Variants in MAML2 observed in about 807,000 individuals in gnomAD.
The protein encoded by MAML2 is mastermind like transcriptional coactivator 2.
In MAML2, 22 loss-of-function variants were observed where a neutral mutation model predicts 96.1. The observed-to-expected ratio is 0.23, with a 90% confidence interval of 0.16 to 0.33. The LOEUF is 0.33. Ranked by LOEUF, MAML2 falls within the 10% of genes least tolerant of loss-of-function variation. MAML2 has a pLI of 1.00. For synonymous variants in MAML2, 561 were observed against 521.3 expected, an observed-to-expected ratio of 1.08 and a Z score of -1.04; for missense variants, 1,367 against 1,392.4, an observed-to-expected ratio of 0.98 and a Z score of 0.29.
chr11:96,195,481 G>T (rs990368004), intron 1 of MAML2, among the ~76,000 whole-genome samples: 3 of 152,178 alleles, frequency 2.0e-5, no homozygotes, highest in Non-Finnish European at 4.4e-5. Flanking sequence ...GAAGACAAAT[G>T]TGATTCTTTC....
intron 2 of MAML2, among the ~76,000 whole-genome samples, chr11:96,069,717 AT>A (rs1859309851): frequency 6.6e-6 from 1 of 151,812 alleles, no homozygotes; most frequent in African/African-American, 2.4e-5. Context: ...ATAAATAATA[AT>A]GTAACTTTAG....
Position 96,177,609 on chromosome 11 carries a change from T to G in MAML2, c.514-84092A>C, listed in dbSNP as rs1212726998. On this transcript the variant is annotated intron_variant, in intron 1 of 4. Coordinates refer to ENST00000524717, the MANE Select transcript of MAML2 (RefSeq NM_032427.4). Reference sequence around the variant, plus strand: ...TCTTCCCCAGGCCATAAAATACACCTAGAAATATACTCTTTTTCATAGAAA... The same window carrying G: ...TCTTCCCCAGGCCATAAAATACACCGAGAAATATACTCTTTTTCATAGAAA... Among the ~76,000 whole-genome samples the G allele has an allele frequency of 6.6e-5, 10 of 152,366 alleles. No individual in the cohort carries two copies. The East Asian group carries it at 1.9e-3, about 29-fold the overall frequency.
At chr11:96,112,954 G>A (rs547526512) in intron 1 of MAML2, among the ~76,000 whole-genome samples, 11 of 152,268 alleles carry the variant, frequency 7.2e-5, no homozygotes, top group East Asian at 3.9e-4. Context: ...GCAAAAGTTC[G>A]CCCTCTGCAC....
At chr11:95,997,007 C>T (rs6483471) in intron 2 of MAML2, among the ~76,000 whole-genome samples, 10,515 of 152,072 alleles carry the variant, frequency 0.069, 734 homozygotes, top group African/African-American at 0.18. Flanking sequence ...AAGAATTAGG[C>T]TATTTCCATC....
intron 2 of MAML2, among the ~76,000 whole-genome samples, chr11:96,078,696 A>G (rs992579774): frequency 2.0e-5 from 3 of 152,242 alleles, no homozygotes; most frequent in Admixed American, 6.5e-5. Flanking sequence ...AGCCATGTCT[A>G]GGTGAGAAAA....
Position 95,978,676 on chromosome 11 carries a change from A to T in MAML2, c.*272T>A, listed in dbSNP as rs183221422. The T allele has an allele frequency of 1.1e-3, 402 of 371,784 alleles. 1 individual carries two copies. The highest frequency in any genetic ancestry group is 3.5e-3 in the Middle Eastern group (5 of 1,414). 23.0% of individuals were successfully genotyped at this position (371,784 alleles called of 1,614,324 possible). A position where few individuals can be genotyped will look rare whatever the true frequency, so the allele number is the denominator to read the frequency against. ...GGCTATTTTACACAATTAATTACAC[A>T]TTGACACCACAGTTCTGTTTGGATA... On this transcript the variant is annotated 3_prime_UTR_variant, in exon 5 of 5. Coordinates refer to ENST00000524717, the MANE Select transcript of MAML2 (RefSeq NM_032427.4).
intron 1 of MAML2, among the ~76,000 whole-genome samples, chr11:96,116,378 C>A (rs1860241971): frequency 6.6e-6 from 1 of 152,146 alleles, no homozygotes; most frequent in South Asian, 2.1e-4. Flanking sequence ...TATTCCAACC[C>A]AACCTGCAGA....
chr11:96,330,875 G>A (rs1217162205), intron 1 of MAML2, among the ~76,000 whole-genome samples: 2 of 152,196 alleles, frequency 1.3e-5, no homozygotes, highest in African/African-American at 4.8e-5. Context: ...GGCCAATCGA[G>A]ATTCAAGGGG....
intron 2 of MAML2, among the ~76,000 whole-genome samples, chr11:96,007,139 A>G (rs1328633296): frequency 1.3e-5 from 2 of 151,426 alleles, no homozygotes; most frequent in Non-Finnish European, 2.9e-5. Flanking sequence ...AGTAGCTGGG[A>G]ATACAGGAGC....
At chr11:96,154,504 T>C (rs942140979) in intron 1 of MAML2, among the ~76,000 whole-genome samples, 2 of 152,222 alleles carry the variant, frequency 1.3e-5, no homozygotes, top group African/African-American at 4.8e-5. Context: ...TTAGAACTTG[T>C]AGGCTGTCTT....
In MAML2 at chr11:96,111,404, G is replaced by A. The variant is rs1301677821; in HGVS notation, c.514-17887C>T. On this transcript the variant is annotated intron_variant, in intron 1 of 4. Transcript: ENST00000524717. ...ATACGCAGATGCAATTTATCTTTGC[G>A]CGCAGCTGGTCTGTGTGCATGTGTG... Among the ~76,000 whole-genome samples, 5 of 151,992 alleles carry A rather than the reference G, an allele frequency of 3.3e-5. No homozygotes were observed. The South Asian group carries it at 6.2e-4, about 19-fold the overall frequency.
intron 1 of MAML2, among the ~76,000 whole-genome samples, chr11:96,335,608 G>A (rs537245704): frequency 6.6e-6 from 1 of 152,330 alleles, no homozygotes; most frequent in African/African-American, 2.4e-5. Flanking sequence ...GTAGTACAGA[G>A]CACTTAGGCA....
chr11:96,310,469 C>T (rs150276591), intron 1 of MAML2, among the ~76,000 whole-genome samples: 628 of 152,248 alleles, frequency 4.1e-3, no homozygotes, highest in African/African-American at 0.014. Context: ...TTCAAGTTAC[C>T]ACATTGCTGC....
At chr11:96,016,369 A>T (rs1240577489) in intron 2 of MAML2, among the ~76,000 whole-genome samples, 1 of 152,200 alleles carries the variant, frequency 6.6e-6, no homozygotes, top group East Asian at 1.9e-4. Flanking sequence ...TCAAAGAGTC[A>T]TTCTGCCCAT....
intron 1 of MAML2, among the ~76,000 whole-genome samples, chr11:96,168,251 T>C (rs1861223733): frequency 1.3e-5 from 2 of 152,254 alleles, no homozygotes; most frequent in African/African-American, 4.8e-5. Flanking sequence ...GCAATCAGTA[T>C]AGAATATGGT....
chr11:95,991,855 G>A lies in MAML2; in HGVS notation c.2140-132C>T, dbSNP rs1857919489. On this transcript the variant is annotated intron_variant, in intron 2 of 4. Coordinates refer to ENST00000524717, the MANE Select transcript of MAML2 (RefSeq NM_032427.4). ...ATCAAACATGGTTAAATGGGTTGGA[G>A]ATCAGAGAATCGCTTTTTAAATGTA... is the stretch of plus-strand genomic sequence containing the variant. 11 of 695,054 alleles carry A rather than the reference G, an allele frequency of 1.6e-5. No homozygotes were observed. The South Asian group carries it at 1.9e-4, about 12-fold the overall frequency. 43.1% of individuals were successfully genotyped at this position (695,054 alleles called of 1,614,324 possible).
At chr11:96,120,179 G>T (rs182070930) in intron 1 of MAML2, among the ~76,000 whole-genome samples, 2 of 152,038 alleles carry the variant, frequency 1.3e-5, no homozygotes. Flanking sequence ...GGATGGTCTC[G>T]ATCTCCTGAC....
intron 1 of MAML2, among the ~76,000 whole-genome samples, chr11:96,186,651 A>G (rs1861579723): frequency 6.6e-6 from 1 of 152,234 alleles, no homozygotes; most frequent in Non-Finnish European, 1.5e-5. Flanking sequence ...AATGTTGGCT[A>G]CTATGTTAAG....
At position 96,341,457 on chromosome 11, in the gene MAML2, T is replaced by A; in HGVS notation, c.439A>T (p.Ser147Cys). 6.4e-7 allele frequency: 1 copy of A among 1,551,250 alleles called. No homozygotes were observed. The highest frequency in any genetic ancestry group is 8.7e-7 in the Non-Finnish European group (1 of 1,146,782). ...TGCTGCTCTCCGTTTATCCCACCAC[T>A]GCCACCATTATTGCTACTGTTCAGC... ...HLLNSSNNGG[S>C]GGINGEQQPP... Residue 147 changes from serine (S) to cysteine (C), a missense_variant, in exon 1 of 5, where the codon AGT (serine) becomes TGT (cysteine). Physicochemically the swap from Ser to Cys is moderately radical, Grantham distance 112 (BLOSUM62 -1). Coordinates refer to ENST00000524717, the MANE Select transcript of MAML2 (RefSeq NM_032427.4).
Sources: gnomAD v4.1 joint callset for allele counts (sites outside exome capture counted in the v4.1 genomes callset) on GRCh38, gnomAD v4.1.1 for gene constraint, MANE v1.5 for transcripts, NCBI Gene and HGNC (gene_info 2026-07-23, HGNC 2026-07-21) for gene names.